SPIDR: variants seen among roughly 807,000 people sequenced by gnomAD.
SPIDR encodes scaffold protein involved in DNA repair, also known as DNA repair-scaffolding protein.
In SPIDR, 93 loss-of-function variants were observed where a neutral mutation model predicts 104.6. The ratio of observed to expected loss-of-function variants is 0.89; its 90% CI spans 0.75 to 1.06. SPIDR has a LOEUF of 1.06. Among genes scored for constraint, SPIDR ranks in the 50% least tolerant of loss-of-function variants. The pLI, the probability that SPIDR is intolerant of heterozygous loss-of-function variation, is 0.00. For synonymous variants in SPIDR, 431 were observed against 416.9 expected (o/e 1.03, Z -0.41); for missense variants, 1,154 against 1,111.2 (o/e 1.04, Z -0.55).
In SPIDR at chr8:47,618,364, T is replaced by A. The variant is rs539354554; in HGVS notation, c.1544+19168T>A. 7.2e-5 allele frequency among the ~76,000 whole-genome samples: 11 copies of A among 152,240 alleles called. No individual in the cohort carries two copies. The South Asian group carries it at 1.2e-3, about 17-fold the overall frequency. On this transcript the variant is annotated intron_variant, in intron 10 of 19. Coordinates refer to ENST00000297423, the MANE Select transcript of SPIDR (RefSeq NM_001080394.4). ...AAAATCTGATATGAATTAAAAAAAA[T>A]TTTTCCCTTTAAGGTGCATACATTA...
At chr8:47,578,256 A>T (rs1028967367) in intron 8 of SPIDR, among the ~76,000 whole-genome samples, 2 of 152,140 alleles carry the variant, frequency 1.3e-5, no homozygotes, top group African/African-American at 4.8e-5. Flanking sequence ...GCAGATCACG[A>T]GGTCAGGAGA....
At chr8:47,504,822 T>C (rs139361386) in intron 8 of SPIDR, among the ~76,000 whole-genome samples, 4,039 of 152,270 alleles carry the variant, frequency 0.027, 290 homozygotes, top group Admixed American at 0.15. Flanking sequence ...TTGGAGTGGA[T>C]ATCCTTTCTG....
Position 47,655,676 on chromosome 8 carries a change from G to T in SPIDR, c.1545-18125G>T, listed in dbSNP as rs535481573. On this transcript the variant is annotated intron_variant, in intron 10 of 19. Coordinates refer to ENST00000297423, the MANE Select transcript of SPIDR (RefSeq NM_001080394.4). The stretch of plus-strand genomic sequence containing the variant: ...AAAATTTTCTCCCATTCTGTAGGTT[G>T]CCTGTTCACTGTGATGGTAGTTTCT... Among the ~76,000 whole-genome samples the T allele has an allele frequency of 8.5e-5, 13 of 152,286 alleles. No homozygotes were observed. In the South Asian group the frequency reaches 1.9e-3, roughly 22 times the overall value.
At chr8:47,322,175 A>C (rs1364530632) in intron 5 of SPIDR, among the ~76,000 whole-genome samples, 1 of 152,230 alleles carries the variant, frequency 6.6e-6, no homozygotes, top group African/African-American at 2.4e-5. Context: ...GAATGGGAGA[A>C]AATTTTTACA....
In SPIDR at chr8:47,291,106, T is replaced by TGAAG. The variant is rs2039828653; in HGVS notation, c.331_334dup (p.Asp112GlyfsTer3). The stretch of plus-strand genomic sequence containing the variant: ...GCTCCAGTGGAAGTGATTTGTCGGA[T>TGAAG]GAAGATAAGACACTTTCTCAGTTAC... On this transcript the variant is annotated frameshift_variant, in exon 4 of 20. Transcript: ENST00000297423. LOFTEE classifies it high-confidence loss of function. The TGAAG allele has an allele frequency of 6.2e-7, 1 of 1,613,244 alleles. No homozygotes were observed. The highest frequency in any genetic ancestry group is 8.5e-7 in the Non-Finnish European group (1 of 1,179,458).
intron 8 of SPIDR, among the ~76,000 whole-genome samples, chr8:47,566,096 T>G (rs2057802910): frequency 7.1e-6 from 1 of 139,976 alleles, no homozygotes; most frequent in Admixed American, 7.5e-5. Context: ...AACCTCCGTC[T>G]CCCAGGTTCA....
intron 1 of SPIDR, among the ~76,000 whole-genome samples, chr8:47,278,803 C>T (rs2037121832): frequency 6.6e-6 from 1 of 152,138 alleles, no homozygotes. Context: ...AATTATACGG[C>T]ATTTAGCTTT....
intron 8 of SPIDR, among the ~76,000 whole-genome samples, chr8:47,468,849 A>G (rs1038264892): frequency 9.5e-4 from 145 of 152,344 alleles, no homozygotes; most frequent in African/African-American, 3.4e-3. Flanking sequence ...GGATCTAATT[A>G]AATCAAAGAG....
intron 5 of SPIDR, among the ~76,000 whole-genome samples, chr8:47,334,487 T>C (rs1441842017): frequency 6.6e-6 from 1 of 152,240 alleles, no homozygotes; most frequent in African/African-American, 2.4e-5. Flanking sequence ...TCTTGGACAA[T>C]TGAATCCTTT....
chr8:47,346,374 A>G (rs2052032347), intron 5 of SPIDR, among the ~76,000 whole-genome samples: 1 of 152,178 alleles, frequency 6.6e-6, no homozygotes, highest in Admixed American at 6.5e-5. Context: ...GTTTGCCAAT[A>G]TTTAATTGTG....
intron 16 of SPIDR, among the ~76,000 whole-genome samples, chr8:47,718,633 C>T (rs1269459296): frequency 4.0e-5 from 6 of 151,810 alleles, no homozygotes; most frequent in African/African-American, 9.7e-5. Context: ...TTTTTCATTG[C>T]ACGTTGATAA....
chr8:47,619,419 G>A lies in SPIDR; in HGVS notation c.1544+20223G>A, dbSNP rs148915819. On this transcript the variant is annotated intron_variant, in intron 10 of 19. Coordinates refer to ENST00000297423, the MANE Select transcript of SPIDR (RefSeq NM_001080394.4). ...GCTGCACATTTGAGCACCTCCCATG[G>A]TGGCACATTGCTCTACTGCAGCCCC... Among the ~76,000 whole-genome samples the A allele has an allele frequency of 2.7e-3, 418 of 152,204 alleles. 1 individual carries two copies. Among genetic ancestry groups the A allele is most frequent in the African/African-American group, 9.8e-3 (408 of 41,532 alleles).
At chr8:47,412,373 G>T (rs1287481268) in intron 7 of SPIDR, among the ~76,000 whole-genome samples, 4 of 152,174 alleles carry the variant, frequency 2.6e-5, no homozygotes, top group Admixed American at 2.6e-4. Flanking sequence ...AATTTAATGG[G>T]ACTTGTAATT....
At chr8:47,448,016 G>A (rs1487650091) in intron 8 of SPIDR, among the ~76,000 whole-genome samples, 3 of 152,272 alleles carry the variant, frequency 2.0e-5, no homozygotes, top group Non-Finnish European at 4.4e-5. Flanking sequence ...GCTTTATTGT[G>A]ATAATAACTT....
chr8:47,295,118 T>G (rs961403089), intron 5 of SPIDR, among the ~76,000 whole-genome samples: 2 of 152,186 alleles, frequency 1.3e-5, no homozygotes, highest in Non-Finnish European at 1.5e-5. Flanking sequence ...ATCTCTGACA[T>G]TGTATTTTTC....
At chr8:47,679,164 G>A (rs951148055) in intron 11 of SPIDR, among the ~76,000 whole-genome samples, 6 of 152,196 alleles carry the variant, frequency 3.9e-5, no homozygotes, top group Non-Finnish European at 7.3e-5. Flanking sequence ...GCCTAGGGCT[G>A]TGTGGGATGT....
chr8:47,455,951 CAGGAGAGCCGTA>C (rs1365387827), intron 8 of SPIDR, among the ~76,000 whole-genome samples: 2 of 152,056 alleles, frequency 1.3e-5, no homozygotes, highest in Non-Finnish European at 2.9e-5. Context: ...AACAAACATG[CAGGAGAGCCGTA>C]AGGAAATAAA....
At chr8:47,667,371 A>G (rs755098934) in intron 10 of SPIDR, among the ~76,000 whole-genome samples, 5 of 151,382 alleles carry the variant, frequency 3.3e-5, no homozygotes, top group Non-Finnish European at 5.9e-5. Flanking sequence ...TCCAAGGCAG[A>G]AGGATCGCAA....
At chr8:47,283,339 C>G (rs2154226802) in intron 2 of SPIDR, among the ~76,000 whole-genome samples, 1 of 152,338 alleles carries the variant, frequency 6.6e-6, no homozygotes, top group African/African-American at 2.4e-5. Flanking sequence ...AGAACACACA[C>G]AGCATTTATT....
Sources: gnomAD v4.1 joint callset for allele counts (sites outside exome capture counted in the v4.1 genomes callset) on GRCh38, gnomAD v4.1.1 for gene constraint, MANE v1.5 for transcripts, NCBI Gene and HGNC (gene_info 2026-07-23, HGNC 2026-07-21) for gene names.